The following PPP6R2 variants were observed in gnomAD, a reference collection of about 807,000 sequenced individuals.
PPP6R2 encodes serine/threonine-protein phosphatase 6 regulatory subunit 2.
Under a neutral mutation model 100.2 loss-of-function variants are expected in PPP6R2, and 62 were observed. That is an observed-to-expected ratio of 0.62 (90% CI 0.50 to 0.76). The LOEUF (loss-of-function observed/expected upper bound fraction) is 0.76. Among genes scored for constraint, PPP6R2 ranks in the 30% least tolerant of loss-of-function variants. The pLI is 0.00. For synonymous variants in PPP6R2, 525 were observed against 514.7 expected, an observed-to-expected ratio of 1.02 and a Z score of -0.27; for missense variants, 1,142 against 1,276.3, an observed-to-expected ratio of 0.89 and a Z score of 1.60.
intron 1 of PPP6R2, among the ~76,000 whole-genome samples, chr22:50,359,923 G>C (rs2047431595): frequency 6.6e-6 from 1 of 152,142 alleles, no homozygotes; most frequent in African/African-American, 2.4e-5. Context: ...TTCTTGTAAT[G>C]TGGGTATGAT....
intron 1 of PPP6R2, among the ~76,000 whole-genome samples, chr22:50,366,676 G>C (rs1046165463): frequency 6.6e-6 from 1 of 152,182 alleles, no homozygotes; most frequent in African/African-American, 2.4e-5. Context: ...ATCAGTGCTT[G>C]GCTGGAGACT....
upstream of PPP6R2, among the ~76,000 whole-genome samples, chr22:50,341,427 C>T (rs1477042971): frequency 6.6e-6 from 1 of 152,102 alleles, no homozygotes; most frequent in East Asian, 1.9e-4. Context: ...TGTTCTCAAA[C>T]TCCTGGGCTC....
At position 50,431,307 on chromosome 22, in the gene PPP6R2, G is replaced by T. The variant is rs766064001; in HGVS notation, c.1260G>T (p.Pro420=). The T allele has an allele frequency of 2.7e-5, 44 of 1,613,196 alleles. No individual in the cohort carries two copies. The highest frequency in any genetic ancestry group is 3.6e-5 in the Non-Finnish European group (43 of 1,180,038). ...ASGSESRVEP[P]HENGNRSLET... The stretch of plus-strand genomic sequence containing the variant: ...GATCCGAGAGCAGGGTGGAGCCTCC[G>T]CATGAGAACGGGAACCGGAGCCTGG... Residue 420 remains proline, a synonymous_variant, in exon 11 of 24, where the codon CCG becomes CCT. Coordinates refer to ENST00000612753, the MANE Select transcript of PPP6R2 (RefSeq NM_001242898.2). The surrounding 1 kb of genome is among the most constrained non-coding windows in gnomAD (Gnocchi z 4.8).
chr22:50,432,325 A>T lies in PPP6R2; in HGVS notation c.1396A>T (p.Thr466Ser), dbSNP rs2063312534. 1 of 1,549,070 alleles carries T rather than the reference A, an allele frequency of 6.5e-7. No homozygotes were observed. Among genetic ancestry groups the T allele is most frequent in the Non-Finnish European group, 8.7e-7 (1 of 1,146,906 alleles). The change falls in exon 12 of 24, where the codon ACG (threonine) becomes TCG (serine). Residue 466 changes from threonine to serine, a missense_variant. Around this residue, in one of 2 missense-constraint regions of PPP6R2, gnomAD observed 592 missense variants for 758.9 expected, o/e 0.78. Transcript: ENST00000612753. ...GGAGGCCTGGGAAGCCAACGACCACACGCAGTAAGAGCCGCTCGGACGTGG... is the reference window on the plus strand; with the variant it reads ...GGAGGCCTGGGAAGCCAACGACCACTCGCAGTAAGAGCCGCTCGGACGTGG... ...ILEAWEANDH[T>S]QAAGGMRRGN...
At chr22:50,437,484 T>TACCCCC in intron 15 of PPP6R2, 22 bp from the exon 16 acceptor site, 2 of 542,130 alleles carry the variant, frequency 3.7e-6, no homozygotes, top group Non-Finnish European at 7.3e-6. Context: ...TGTCCGTCCC[T>TACCCCC]CCCTCCCTCC....
At chr22:50,401,178 G>A (rs1405879639) in intron 3 of PPP6R2, among the ~76,000 whole-genome samples, 1 of 152,032 alleles carries the variant, frequency 6.6e-6, no homozygotes, top group Non-Finnish European at 1.5e-5. Flanking sequence ...AACCACAGGT[G>A]CCACCATGCT....
At chr22:50,371,258 T>C (rs8136402) in intron 1 of PPP6R2, among the ~76,000 whole-genome samples, 48,016 of 152,016 alleles carry the variant, frequency 0.32, 7,868 homozygotes, top group South Asian at 0.46. Flanking sequence ...CAGCAGGCTG[T>C]GGCAGGAGGA....
chr22:50,331,554 G>T, the PPP6R2 span, among the ~76,000 whole-genome samples: 1 of 151,978 alleles, frequency 6.6e-6, no homozygotes, highest in African/African-American at 2.4e-5. Context: ...AGCATCTTAT[G>T]TGCTCCTAAG....
intron 4 of PPP6R2, among the ~76,000 whole-genome samples, chr22:50,408,588 G>A (rs777002531): frequency 1.3e-5 from 2 of 152,096 alleles, no homozygotes; most frequent in East Asian, 1.9e-4. Flanking sequence ...GGTGTGGGCC[G>A]GGGGATTGTC....
intron 1 of PPP6R2, among the ~76,000 whole-genome samples, chr22:50,358,863 C>T (rs1269288134): frequency 6.6e-6 from 1 of 152,092 alleles, no homozygotes; most frequent in Non-Finnish European, 1.5e-5. Flanking sequence ...ATTAATTAAA[C>T]ATGTCTGCAG....
chr22:50,415,382 T>G (rs66519115), intron 5 of PPP6R2, among the ~76,000 whole-genome samples: 29,322 of 152,162 alleles, frequency 0.19, 3,115 homozygotes, highest in East Asian at 0.24. Flanking sequence ...GGGAGGAGCT[T>G]CTCACCAGGA....
chr22:50,395,416 C>T (rs2056577875), intron 3 of PPP6R2, among the ~76,000 whole-genome samples: 1 of 152,056 alleles, frequency 6.6e-6, no homozygotes, highest in African/African-American at 2.4e-5. Context: ...CCTCATGGTG[C>T]AGATCTGCGA....
At chr22:50,392,570 G>A (rs2055857343) in intron 2 of PPP6R2, among the ~76,000 whole-genome samples, 1 of 152,216 alleles carries the variant, frequency 6.6e-6, no homozygotes, top group Non-Finnish European at 1.5e-5. Context: ...TGGGGAGCCT[G>A]TGCAGGAGGG....
intron 1 of PPP6R2, among the ~76,000 whole-genome samples, chr22:50,365,209 T>C (rs1274540818): frequency 1.3e-5 from 2 of 151,840 alleles, no homozygotes; most frequent in African/African-American, 4.8e-5. Flanking sequence ...GTAGCTGGGA[T>C]TACAGGCATG....
intron 10 of PPP6R2, among the ~76,000 whole-genome samples, chr22:50,428,880 G>A (rs924357678): frequency 6.6e-6 from 1 of 152,250 alleles, no homozygotes; most frequent in South Asian, 2.1e-4. Context: ...GTGAGAGTGG[G>A]CATCCTTGCC....
At chr22:50,406,545 A>T in intron 3 of PPP6R2, 144 bp from the exon 4 acceptor site, 1 of 700,046 alleles carries the variant, frequency 1.4e-6, no homozygotes, top group Non-Finnish European at 2.4e-6. Context: ...GGTCACAGGT[A>T]GTCACGTTTT....
chr22:50,387,386 T>G (rs138163743), intron 2 of PPP6R2, among the ~76,000 whole-genome samples: 13 of 152,296 alleles, frequency 8.5e-5, no homozygotes, highest in Admixed American at 2.0e-4. Context: ...GATTTTGGAT[T>G]TTTACTTAAC....
At chr22:50,440,711 G>A in intron 21 of PPP6R2, 111 bp from the exon 22 acceptor site, 1 of 1,238,672 alleles carries the variant, frequency 8.1e-7, no homozygotes. Flanking sequence ...ATGTGTGCAG[G>A]CAACAGGCTG....
Position 50,444,533 on chromosome 22 carries a change from G to C in PPP6R2, c.*286G>C. On this transcript the variant is annotated 3_prime_UTR_variant, in exon 24 of 24. Transcript: ENST00000612753. ...GTCGGCCTGCAGGAGCCGGGGTGGG[G>C]GTGGGGGTGGGGGGGGCAGGACCCT... 2.5e-6 allele frequency: 1 copy of C among 395,790 alleles called. No individual in the cohort carries two copies. The highest frequency in any genetic ancestry group is 4.4e-6 in the Non-Finnish European group (1 of 225,310). The allele number at this position is 395,790 out of a possible 1,614,324, so 24.5% of individuals were successfully genotyped here.
Sources: allele counts gnomAD v4.1 joint callset (sites outside exome capture counted in the v4.1 genomes callset), GRCh38; gene constraint gnomAD v4.1.1; regional missense constraint gnomAD v4.1.1; non-coding constraint Gnocchi (gnomAD v3.1); transcripts MANE v1.5; gene names NCBI Gene and HGNC (gene_info 2026-07-23, HGNC 2026-07-21).